The following SLC35F2 variants were observed in gnomAD, a reference collection of about 807,000 sequenced individuals.
SLC35F2 encodes the protein queuine/queuosine transporter SLC35F2.
In SLC35F2, 25 loss-of-function variants were observed where a neutral mutation model predicts 38.1. That is an observed-to-expected ratio of 0.66 (90% CI 0.48 to 0.92). The LOEUF is 0.92. Among genes scored for constraint, SLC35F2 ranks in the 40% least tolerant of loss-of-function variants. The pLI, the probability that SLC35F2 is intolerant of heterozygous loss-of-function variation, is 0.00. For missense variants in SLC35F2, 409 were observed against 452.9 expected, an observed-to-expected ratio of 0.90 and a Z score of 0.88; for synonymous variants, 173 against 181.7, an observed-to-expected ratio of 0.95 and a Z score of 0.38.
chr11:107,844,607 G>A (rs924806818), intron 1 of SLC35F2, among the ~76,000 whole-genome samples: 3 of 149,940 alleles, frequency 2.0e-5, no homozygotes, highest in African/African-American at 7.4e-5. Context: ...GGGTGACAGA[G>A]TCAGACTCCT....
intron 1 of SLC35F2, among the ~76,000 whole-genome samples, chr11:107,858,016 T>C (rs1425910939): frequency 1.3e-5 from 2 of 152,214 alleles, no homozygotes; most frequent in African/African-American, 4.8e-5. Context: ...AAACGCTTTC[T>C]AGAGTCGCTG....
In SLC35F2 at chr11:107,809,096, C is replaced by T. The variant is rs530258685; in HGVS notation, c.415-2220G>A. Among the ~76,000 whole-genome samples the T allele has an allele frequency of 3.9e-5, 6 of 152,214 alleles. No individual in the cohort carries two copies. The South Asian group carries it at 6.2e-4, about 16-fold the overall frequency. On this transcript the variant is annotated intron_variant, in intron 3 of 7. Coordinates refer to ENST00000525815, the MANE Select transcript of SLC35F2 (RefSeq NM_017515.5). ...CAAAATATAAAATAAAAAGATCAGA[C>T]GAAATGATCACACAGTTTCCCTCCG...
intron 1 of SLC35F2, among the ~76,000 whole-genome samples, chr11:107,822,530 A>T (rs987223514): frequency 6.6e-6 from 1 of 152,096 alleles, no homozygotes; most frequent in Admixed American, 6.5e-5. Context: ...CCCAGAACAC[A>T]TCGGGGAGCT....
chr11:107,808,569 G>T (rs1859432260), intron 3 of SLC35F2, among the ~76,000 whole-genome samples: 2 of 151,908 alleles, frequency 1.3e-5, no homozygotes, highest in South Asian at 2.1e-4. Flanking sequence ...GTATCTGTTT[G>T]GTCTTGAACA....
chr11:107,836,017 G>A (rs1859924202), intron 1 of SLC35F2, among the ~76,000 whole-genome samples: 1 of 152,134 alleles, frequency 6.6e-6, no homozygotes, highest in African/African-American at 2.4e-5. Context: ...CCAGCAAAGC[G>A]GACAGCATTG....
At chr11:107,794,915 C>T (rs933486424) in intron 7 of SLC35F2, among the ~76,000 whole-genome samples, 5 of 152,080 alleles carry the variant, frequency 3.3e-5, no homozygotes, top group Admixed American at 6.6e-5. Context: ...TAATAATGAA[C>T]TAGCTGAGAT....
At chr11:107,822,464 A>G (rs531503135) in intron 1 of SLC35F2, among the ~76,000 whole-genome samples, 6 of 152,316 alleles carry the variant, frequency 3.9e-5, no homozygotes, top group African/African-American at 1.4e-4. Flanking sequence ...TGCCAAGCAC[A>G]AGGAATTTAG....
rs930246294 is a variant in SLC35F2, at chr11:107,791,068, T to C, written c.*1547A>G. 1 of 152,550 alleles carries C rather than the reference T, an allele frequency of 6.6e-6. No homozygotes were observed. The highest frequency in any genetic ancestry group is 1.5e-5 in the Non-Finnish European group (1 of 68,028). 9.4% of individuals were successfully genotyped at this position (152,550 alleles called of 1,614,324 possible). The stretch of plus-strand genomic sequence containing the variant: ...TTCTTTTTTACATTGTTACAAAAAA[T>C]TTACATACAGTTTTCTGAAAGTGGC... On this transcript the variant is annotated 3_prime_UTR_variant, in exon 8 of 8. Coordinates refer to ENST00000525815, the MANE Select transcript of SLC35F2 (RefSeq NM_017515.5).
chr11:107,792,839 A>G (rs746918105), intron 7 of SLC35F2, 39 bp from the exon 8 acceptor site: 1 of 1,494,086 alleles, frequency 6.7e-7, no homozygotes, highest in Non-Finnish European at 8.9e-7. Flanking sequence ...TGCCCCTCAC[A>G]TACACATCTT....
At chr11:107,807,187 C>T (rs1002187193) in intron 3 of SLC35F2, among the ~76,000 whole-genome samples, 3 of 147,658 alleles carry the variant, frequency 2.0e-5, no homozygotes, top group African/African-American at 7.5e-5. Context: ...GTAATCTTAG[C>T]ACTTTGGGAG....
At chr11:107,832,709 G>A (rs971935891) in intron 1 of SLC35F2, among the ~76,000 whole-genome samples, 4 of 152,156 alleles carry the variant, frequency 2.6e-5, no homozygotes, top group Admixed American at 2.6e-4. Flanking sequence ...AGGAGGCTGA[G>A]ATGAAAGGAT....
At chr11:107,806,313 A>C (rs995481822) in intron 4 of SLC35F2, among the ~76,000 whole-genome samples, 4 of 152,224 alleles carry the variant, frequency 2.6e-5, no homozygotes, top group African/African-American at 9.6e-5. Context: ...TTTCCCTCTC[A>C]ATCCAAAGAG....
At chr11:107,803,334 T>C in intron 6 of SLC35F2, 179 bp from the exon 7 acceptor site, 1 of 984,804 alleles carries the variant, frequency 1.0e-6, no homozygotes, top group Non-Finnish European at 1.2e-6. Context: ...AGAATATAAA[T>C]AGCAAGTTGT....
chr11:107,848,618 C>T (rs780362669), intron 1 of SLC35F2, among the ~76,000 whole-genome samples: 1 of 152,188 alleles, frequency 6.6e-6, no homozygotes, highest in Non-Finnish European at 1.5e-5. Context: ...ACCAAACCTG[C>T]AGGCACCTTG....
chr11:107,848,224 T>TA (rs1860127193), intron 1 of SLC35F2, among the ~76,000 whole-genome samples: 1 of 151,300 alleles, frequency 6.6e-6, no homozygotes, highest in African/African-American at 2.4e-5. Flanking sequence ...TTTACCACAA[T>TA]AAAAAAGAAA....
chr11:107,823,866 T>C (rs766298161), intron 1 of SLC35F2: 10 of 424,514 alleles, frequency 2.4e-5, no homozygotes, highest in Non-Finnish European at 3.1e-5. Flanking sequence ...GAAGCGGAGT[T>C]TGCAGTGAGC....
At position 107,804,766 on chromosome 11, in the gene SLC35F2, T is replaced by A; in HGVS notation, c.736A>T (p.Ile246Phe). 2.5e-6 allele frequency: 4 copies of A among 1,606,004 alleles called. No individual in the cohort carries two copies. The highest frequency in any genetic ancestry group is 3.4e-6 in the Non-Finnish European group (4 of 1,177,030). Residue 246 changes from isoleucine (I) to phenylalanine (F), a missense_variant, in exon 6 of 8, where the codon ATT becomes TTT. By Grantham distance (21) the Ile-to-Phe change is conservative. Transcript: ENST00000525815. ...CTGGCAATATCCTTATATTCCACAA[T>A]CAATCTAAGATTAAAACAAGAGGTC... is the stretch of plus-strand genomic sequence containing the variant. ...GTIISGIQLLIVEYKDIASIH... is the reference protein window; with the variant it reads ...GTIISGIQLLFVEYKDIASIH...
intron 1 of SLC35F2, among the ~76,000 whole-genome samples, chr11:107,831,328 C>A (rs1241432233): frequency 6.6e-6 from 1 of 152,206 alleles, no homozygotes; most frequent in Non-Finnish European, 1.5e-5. Flanking sequence ...ATAGTATTTG[C>A]TCCCATCTCA....
At chr11:107,820,236 AAGAGTG>A (rs1258887646) in intron 1 of SLC35F2, among the ~76,000 whole-genome samples, 1 of 150,596 alleles carries the variant, frequency 6.6e-6, no homozygotes, top group East Asian at 2.0e-4. Flanking sequence ...GCCTGGGCAA[AAGAGTG>A]AGAGTTTGCC....
Sources: gnomAD v4.1 joint callset for allele counts (sites outside exome capture counted in the v4.1 genomes callset) on GRCh38, gnomAD v4.1.1 for gene constraint, MANE v1.5 for transcripts, NCBI Gene and HGNC (gene_info 2026-07-23, HGNC 2026-07-21) for gene names.